MVB12B: variants seen among roughly 807,000 people sequenced by gnomAD.
MVB12B encodes the protein multivesicular body subunit 12B, also known as ESCRT-I complex subunit MVB12B.
In MVB12B, 16 loss-of-function variants were observed where a neutral mutation model predicts 41.6. The ratio of observed to expected loss-of-function variants is 0.38; its 90% CI spans 0.26 to 0.58. The LOEUF (loss-of-function observed/expected upper bound fraction) is 0.58. MVB12B is among the 20% of genes least tolerant of loss of function. The pLI, the probability that MVB12B is intolerant of heterozygous loss-of-function variation, is 0.62. For synonymous variants in MVB12B, 133 were observed against 139.7 expected (o/e 0.95, Z 0.34); for missense variants, 274 against 380.2 (o/e 0.72, Z 2.32).
chr9:126,327,686 C>T (rs1829020842), intron 1 of MVB12B, among the ~76,000 whole-genome samples: 1 of 152,188 alleles, frequency 6.6e-6, no homozygotes, highest in African/African-American at 2.4e-5. Context: ...AGGCAGGCAC[C>T]AGGGAACGGG....
intron 7 of MVB12B, among the ~76,000 whole-genome samples, chr9:126,470,646 C>CTGTG (rs143928729): frequency 0.15 from 20,971 of 143,352 alleles, 1,591 homozygotes; most frequent in African/African-American, 0.2. Flanking sequence ...AGTCAGTGCT[C>CTGTG]TGTGTGTGTG....
At chr9:126,497,301 A>T (rs1300995822) in intron 9 of MVB12B, among the ~76,000 whole-genome samples, 1 of 152,116 alleles carries the variant, frequency 6.6e-6, no homozygotes, top group African/African-American at 2.4e-5. Flanking sequence ...TGCAGCTCCC[A>T]GGTTAGAGCT....
rs2119250842 is a variant in MVB12B, at chr9:126,504,298, C to T, written c.*1035C>T. ...TCAAAGTGCCGGGCGCCAAGTTCAGCCCCAGGTGCGTTTGCCTAGGCAGTG... is the reference window on the plus strand; with the variant it reads ...TCAAAGTGCCGGGCGCCAAGTTCAGTCCCAGGTGCGTTTGCCTAGGCAGTG... On this transcript the variant is annotated 3_prime_UTR_variant, in exon 10 of 10. Transcript: ENST00000361171. The T allele has an allele frequency of 6.6e-6, 1 of 152,428 alleles. No homozygotes were observed. 9.4% of individuals were successfully genotyped at this position (152,428 alleles called of 1,614,324 possible).
rs1342723342 is a variant in MVB12B at position 126,367,583 on chromosome 9, T to A, written c.205-13481T>A. Among the ~76,000 whole-genome samples the A allele has an allele frequency of 6.6e-6, 1 of 152,206 alleles. No homozygotes were observed. Among genetic ancestry groups the A allele is most frequent in the Non-Finnish European group, 1.5e-5 (1 of 68,044 alleles). ...CAGCCTGCCTCTTCTCCTTCTGCCT[T>A]ATGCTTGCTTTTGAGAGCTCTCAGC... On this transcript the variant is annotated intron_variant, in intron 2 of 9. Coordinates refer to ENST00000361171, the MANE Select transcript of MVB12B (RefSeq NM_033446.3). This position sits in a 1 kb window ranked among gnomAD's most constrained non-coding sequence, Gnocchi z 4.3.
At chr9:126,424,287 T>C (rs937093143) in intron 7 of MVB12B, among the ~76,000 whole-genome samples, 1 of 152,250 alleles carries the variant, frequency 6.6e-6, no homozygotes, top group East Asian at 1.9e-4. Flanking sequence ...TATCTTTCAC[T>C]AAGACAGTTG....
chr9:126,496,484 C>T (rs971820459), intron 9 of MVB12B, among the ~76,000 whole-genome samples: 2 of 135,598 alleles, frequency 1.5e-5, no homozygotes, highest in African/African-American at 5.5e-5. Flanking sequence ...CTCATTCCTG[C>T]ATTCATTCTA....
At chr9:126,439,266 C>A (rs1221251786) in intron 7 of MVB12B, among the ~76,000 whole-genome samples, 1 of 146,530 alleles carries the variant, frequency 6.8e-6, no homozygotes, top group African/African-American at 2.5e-5. Flanking sequence ...TCACAGGGTC[C>A]GCTGGGGGTG....
rs548498552 is a variant in MVB12B, at chr9:126,332,746, C to G, written c.81+5736C>G. On this transcript the variant is annotated intron_variant, in intron 1 of 9. Transcript: ENST00000361171. ...TGCCCTCTCCCCTTTATGTGCCCTC[C>G]TTAATCCAGTGAAACTTGGCAATTT... is the stretch of plus-strand genomic sequence containing the variant. Among the ~76,000 whole-genome samples, 9 of 152,186 alleles carry G rather than the reference C, an allele frequency of 5.9e-5. 1 individual carries two copies. The highest frequency in any genetic ancestry group is 2.0e-4 in the East Asian group (1 of 5,104).
At chr9:126,423,001 G>A (rs1342694470) in intron 7 of MVB12B, among the ~76,000 whole-genome samples, 2 of 152,158 alleles carry the variant, frequency 1.3e-5, no homozygotes, top group East Asian at 1.9e-4. Context: ...GAGAGGGAAC[G>A]TGTTTGTCTA....
chr9:126,383,942 G>A (rs1156799561), intron 3 of MVB12B, among the ~76,000 whole-genome samples: 1 of 151,502 alleles, frequency 6.6e-6, no homozygotes, highest in African/African-American at 2.4e-5. Context: ...GTCACTAAGT[G>A]GTTTGCAGTT....
chr9:126,347,342 C>CT (rs934523157), intron 2 of MVB12B, among the ~76,000 whole-genome samples: 1 of 152,250 alleles, frequency 6.6e-6, no homozygotes, highest in Non-Finnish European at 1.5e-5. Flanking sequence ...TCCACTTCCC[C>CT]TTTTTTGCTG....
Position 126,326,920 on chromosome 9 carries a change from C to T in MVB12B, c.-10C>T, listed in dbSNP as rs1387765390. 7.6e-6 allele frequency: 2 copies of T among 262,630 alleles called. No homozygotes were observed. The highest frequency in any genetic ancestry group is 3.1e-5 in the South Asian group (1 of 32,488). The allele number at this position is 262,630 out of a possible 1,614,324, so 16.3% of individuals were successfully genotyped here. On this transcript the variant is annotated 5_prime_UTR_variant, in exon 1 of 10. Transcript: ENST00000361171. ...GCCCCGGGCCCGGCCCCTCCCGCGC[C>T]GCCCGGGCGATGAGAAGCTGCTTCT...
At chr9:126,369,708 C>T (rs1356531947) in intron 2 of MVB12B, among the ~76,000 whole-genome samples, 1 of 152,096 alleles carries the variant, frequency 6.6e-6, no homozygotes, top group Non-Finnish European at 1.5e-5. Flanking sequence ...GGCTAGAGTG[C>T]AATAGCGCAA....
At chr9:126,407,029 T>C (rs377464174) in intron 6 of MVB12B, among the ~76,000 whole-genome samples, 1 of 152,222 alleles carries the variant, frequency 6.6e-6, no homozygotes, top group South Asian at 2.1e-4. Context: ...CTTGAATAGT[T>C]TGAAATTCAA....
chr9:126,411,497 C>T (rs912964592), intron 6 of MVB12B, among the ~76,000 whole-genome samples: 1 of 152,152 alleles, frequency 6.6e-6, no homozygotes, highest in Admixed American at 6.5e-5. Context: ...CTGGCATGGG[C>T]CTGTGTTCAC....
In MVB12B at chr9:126,478,061, G is replaced by A. The variant is rs1288250023; in HGVS notation, c.758-3308G>A. The stretch of plus-strand genomic sequence containing the variant: ...TGGGTGAGGGGTTTGGCTTTGGAGC[G>A]ATGGAAATATTTTGGAACTAGATGG... On this transcript the variant is annotated intron_variant, in intron 7 of 9. Transcript: ENST00000361171. The surrounding 1 kb of genome is among the most constrained non-coding windows in gnomAD (Gnocchi z 4.2). 1.3e-5 allele frequency among the ~76,000 whole-genome samples: 2 copies of A among 152,194 alleles called. No individual in the cohort carries two copies. Among genetic ancestry groups the A allele is most frequent in the East Asian group, 3.8e-4 (2 of 5,202 alleles).
At chr9:126,335,163 C>T in intron 1 of MVB12B, 3 of 1,055,228 alleles carry the variant, frequency 2.8e-6, no homozygotes, top group Non-Finnish European at 3.6e-6. Flanking sequence ...CTTAGCAGCC[C>T]TCCTAGCAGC....
intron 7 of MVB12B, among the ~76,000 whole-genome samples, chr9:126,453,086 C>A (rs553905052): frequency 3.4e-4 from 52 of 152,000 alleles, no homozygotes; most frequent in Middle Eastern, 3.4e-3. Context: ...GCCTGCCTCC[C>A]GGGATTGTGG....
At chr9:126,334,707 G>T (rs1829228009) in intron 1 of MVB12B, among the ~76,000 whole-genome samples, 1 of 152,156 alleles carries the variant, frequency 6.6e-6, no homozygotes, top group Admixed American at 6.5e-5. Context: ...AACCTGATGG[G>T]AGTGGACATG....
Sources: allele counts gnomAD v4.1 joint callset (sites outside exome capture counted in the v4.1 genomes callset), GRCh38; gene constraint gnomAD v4.1.1; non-coding constraint Gnocchi (gnomAD v3.1); transcripts MANE v1.5; gene names NCBI Gene and HGNC (gene_info 2026-07-23, HGNC 2026-07-21).